Variants in KPNA5 observed in about 807,000 individuals in gnomAD.
KPNA5 encodes importin subunit alpha-6.
In KPNA5, 46 loss-of-function variants were observed where a neutral mutation model predicts 71.3. The ratio of observed to expected loss-of-function variants is 0.65; its 90% CI spans 0.51 to 0.83. KPNA5 has a LOEUF of 0.83. Ranked by LOEUF, KPNA5 falls within the 40% of genes least tolerant of loss-of-function variation. The probability of loss-of-function intolerance (pLI) is 0.00; values close to 1 mark genes in which losing one functional copy is unlikely to be tolerated. For missense variants in KPNA5, 547 were observed against 628.3 expected (o/e 0.87, Z 1.38); for synonymous variants, 207 against 201.4 (o/e 1.03, Z -0.24).
At chr6:116,709,185 C>T (rs576113283) in intron 7 of KPNA5, among the ~76,000 whole-genome samples, 9 of 152,294 alleles carry the variant, frequency 5.9e-5, no homozygotes, top group African/African-American at 1.9e-4. Flanking sequence ...ATCATGTCAT[C>T]TGTCAATAAT....
chr6:116,694,781 T>C (rs1777958916), intron 4 of KPNA5, among the ~76,000 whole-genome samples: 1 of 152,186 alleles, frequency 6.6e-6, no homozygotes, highest in Non-Finnish European at 1.5e-5. Context: ...TTTCTCAATT[T>C]TAGATTACCA....
At chr6:116,692,704 T>C (rs1777851599) in intron 4 of KPNA5, among the ~76,000 whole-genome samples, 1 of 152,096 alleles carries the variant, frequency 6.6e-6, no homozygotes, top group Non-Finnish European at 1.5e-5. Context: ...TTTTCAGACA[T>C]GATTTTTTAT....
chr6:116,693,988 T>C (rs1166957957), intron 4 of KPNA5, among the ~76,000 whole-genome samples: 4 of 152,328 alleles, frequency 2.6e-5, no homozygotes, highest in African/African-American at 9.6e-5. Flanking sequence ...ATTTATTAAA[T>C]AGGGAATCCT....
intron 4 of KPNA5, among the ~76,000 whole-genome samples, chr6:116,693,194 A>G (rs1777877152): frequency 6.6e-6 from 1 of 152,208 alleles, no homozygotes; most frequent in African/African-American, 2.4e-5. Flanking sequence ...CGCAATGAAC[A>G]TACGTGTGCA....
intron 7 of KPNA5, among the ~76,000 whole-genome samples, chr6:116,715,055 C>T (rs1778831934): frequency 1.3e-5 from 2 of 152,142 alleles, no homozygotes; most frequent in Admixed American, 1.3e-4. Context: ...AAACTTTTGA[C>T]TATCTTCAGA....
At chr6:116,695,899 GT>G (rs1778009234) in intron 4 of KPNA5, among the ~76,000 whole-genome samples, 1 of 152,084 alleles carries the variant, frequency 6.6e-6, no homozygotes, top group Admixed American at 6.6e-5. Context: ...TTTGCCACCA[GT>G]GTTTTTGTAC....
At chr6:116,707,760 G>A (rs1778503525) in intron 7 of KPNA5, among the ~76,000 whole-genome samples, 1 of 152,144 alleles carries the variant, frequency 6.6e-6, no homozygotes, top group South Asian at 2.1e-4. Flanking sequence ...ACTTTTTTTA[G>A]TGTAATAGAA....
intron 8 of KPNA5, among the ~76,000 whole-genome samples, chr6:116,717,623 T>C (rs1340510205): frequency 6.6e-6 from 1 of 152,144 alleles, no homozygotes; most frequent in Admixed American, 6.5e-5. Context: ...GAGTGGAAGT[T>C]TATTTAAAAG....
At chr6:116,683,932 A>G (rs1208680433) in intron 1 of KPNA5, among the ~76,000 whole-genome samples, 6 of 44,910 alleles carry the variant, frequency 1.3e-4, no homozygotes, top group Non-Finnish European at 2.7e-4. Flanking sequence ...TTTTTTTTTG[A>G]CAGAGTCTTG....
intron 8 of KPNA5, among the ~76,000 whole-genome samples, chr6:116,718,126 C>A (rs1778959151): frequency 6.6e-6 from 1 of 152,158 alleles, no homozygotes; most frequent in Non-Finnish European, 1.5e-5. Context: ...CTCTCATGCC[C>A]TGCTTAAGCG....
rs28575450 is a variant in KPNA5, at chr6:116,729,755, T to C, written c.1432+14T>C. Reference sequence around the variant, plus strand: ...AAGAAGCATATGGTAAGCAATCAGTTAAAAATTTGCAATTATAGTCAGTTC... The same window carrying C: ...AAGAAGCATATGGTAAGCAATCAGTCAAAAATTTGCAATTATAGTCAGTTC... On this transcript the variant is annotated intron_variant, in intron 13 of 13. Coordinates refer to ENST00000368564, the MANE Select transcript of KPNA5 (RefSeq NM_001366306.2). 394 of 1,446,424 alleles carry C rather than the reference T, an allele frequency of 2.7e-4. No individual in the cohort carries two copies. Among genetic ancestry groups the C allele is most frequent in the Admixed American group, 3.9e-4 (17 of 43,694 alleles). 89.6% of individuals were successfully genotyped at this position (1,446,424 alleles called of 1,614,324 possible). A position where few individuals can be genotyped will look rare whatever the true frequency, so the allele number is the denominator to read the frequency against.
intron 7 of KPNA5, among the ~76,000 whole-genome samples, chr6:116,708,736 C>T (rs1395821539): frequency 6.6e-6 from 1 of 151,752 alleles, no homozygotes; most frequent in Non-Finnish European, 1.5e-5. Flanking sequence ...TGACTTGTTC[C>T]TTGGTAGTGT....
chr6:116,686,494 G>C (rs933250618), intron 1 of KPNA5, among the ~76,000 whole-genome samples: 2 of 152,094 alleles, frequency 1.3e-5, no homozygotes, highest in African/African-American at 4.8e-5. Flanking sequence ...CTCCCATTCT[G>C]TAGGTTGTCT....
At chr6:116,696,164 A>G (rs1028834690) in intron 4 of KPNA5, among the ~76,000 whole-genome samples, 5 of 152,176 alleles carry the variant, frequency 3.3e-5, no homozygotes, top group African/African-American at 9.6e-5. Context: ...AAACTGTACT[A>G]TCTTTCACAG....
At chr6:116,704,995 G>T in intron 6 of KPNA5, 77 bp from the exon 7 acceptor site, 2 of 911,602 alleles carry the variant, frequency 2.2e-6, no homozygotes, top group South Asian at 1.7e-5. Flanking sequence ...TTTGTTCATT[G>T]TGTACTAAAA....
chr6:116,692,443 G>A (rs1309487553), intron 4 of KPNA5, 51 bp downstream of exon 4: 5 of 1,138,490 alleles, frequency 4.4e-6, no homozygotes, highest in Admixed American at 2.2e-5. Context: ...TTTTTTAGTA[G>A]AGGTTTATTT....
chr6:116,728,909 T>C (rs537533240), intron 12 of KPNA5, among the ~76,000 whole-genome samples: 3 of 152,186 alleles, frequency 2.0e-5, no homozygotes, highest in African/African-American at 7.2e-5. Context: ...ATTTACATTA[T>C]AGAGTACAGA....
chr6:116,721,363 G>C (rs916882326), intron 8 of KPNA5, among the ~76,000 whole-genome samples: 1 of 151,634 alleles, frequency 6.6e-6, no homozygotes, highest in African/African-American at 2.4e-5. Context: ...ATGTTGGTCA[G>C]GCTGGTCTCG....
chr6:116,692,902 C>G (rs567174166), intron 4 of KPNA5, among the ~76,000 whole-genome samples: 2 of 152,130 alleles, frequency 1.3e-5, no homozygotes, highest in African/African-American at 4.8e-5. Flanking sequence ...CACCCCACAA[C>G]AGGCCCCGGT....
Sources: allele counts gnomAD v4.1 joint callset (sites outside exome capture counted in the v4.1 genomes callset), GRCh38; gene constraint gnomAD v4.1.1; transcripts MANE v1.5; gene names NCBI Gene and HGNC (gene_info 2026-07-23, HGNC 2026-07-21).